Variants in GCM1 observed in about 807,000 individuals in gnomAD.
GCM1 encodes GCM transcription factor 1, also known as chorion-specific transcription factor GCMa.
In GCM1, 2 loss-of-function variants were observed where a neutral mutation model predicts 25.7. The ratio of observed to expected loss-of-function variants is 0.08; its 90% CI spans 0.03 to 0.24. The LOEUF (loss-of-function observed/expected upper bound fraction) is 0.24, where lower values mean the gene tolerates loss of function less well. Among genes scored for constraint, GCM1 ranks in the 10% least tolerant of loss-of-function variants. The pLI is 1.00. For synonymous variants in GCM1, 183 were observed against 195.7 expected (o/e 0.94, Z 0.54); for missense variants, 395 against 538.7 (o/e 0.73, Z 2.64).
chr6:53,139,784 C>T (rs891968471), intron 2 of GCM1, among the ~76,000 whole-genome samples: 1 of 152,012 alleles, frequency 6.6e-6, no homozygotes, highest in Non-Finnish European at 1.5e-5. Flanking sequence ...TCGCTTGAAC[C>T]CGGGAGGCAG....
In GCM1 at chr6:53,130,818, C is replaced by T. The variant is rs1034603513; in HGVS notation, c.555G>A (p.Gly185=). The change falls in exon 5 of 6, where the codon GGG becomes GGA. Residue 185 remains glycine (G), a synonymous_variant. Coordinates refer to ENST00000259803, the MANE Select transcript of GCM1 (RefSeq NM_003643.4). ...APSSVSLSLK[G]STETRSLPGE... Reference sequence around the variant, plus strand: ...GAAGGATTACCCTGGTCTCTGTGCTCCCCTTCAGGCTCAATGAGACGGAGG... The same window carrying T: ...GAAGGATTACCCTGGTCTCTGTGCTTCCCTTCAGGCTCAATGAGACGGAGG... 2 of 1,613,868 alleles carry T rather than the reference C, an allele frequency of 1.2e-6. No individual in the cohort carries two copies. The highest frequency in any genetic ancestry group is 1.7e-6 in the Non-Finnish European group (2 of 1,179,770).
chr6:53,130,042 T>C (rs1343080361), intron 5 of GCM1, among the ~76,000 whole-genome samples: 1 of 152,162 alleles, frequency 6.6e-6, no homozygotes, highest in Non-Finnish European at 1.5e-5. Flanking sequence ...ACTTGTCCCA[T>C]GGCTGGGAGA....
chr6:53,131,205 C>T (rs1326189972), intron 4 of GCM1, among the ~76,000 whole-genome samples: 2 of 152,182 alleles, frequency 1.3e-5, no homozygotes, highest in South Asian at 2.1e-4. Flanking sequence ...AATAAACACC[C>T]TGTGTGCCTT....
At chr6:53,129,106 C>T (rs1221622956) in intron 5 of GCM1, among the ~76,000 whole-genome samples, 160 bp from the exon 6 acceptor site, 2 of 152,088 alleles carry the variant, frequency 1.3e-5, no homozygotes, top group Admixed American at 6.6e-5. Context: ...GCGGCTTGAC[C>T]ACAACCACGA....
chr6:53,142,381 T>C (rs1002396226), intron 2 of GCM1, among the ~76,000 whole-genome samples: 3 of 152,198 alleles, frequency 2.0e-5, no homozygotes, highest in Non-Finnish European at 2.9e-5. Flanking sequence ...TACTGCCTAA[T>C]ACAGCCTCCT....
At chr6:53,134,555 G>A (rs1041190813) in intron 2 of GCM1, among the ~76,000 whole-genome samples, 1 of 152,188 alleles carries the variant, frequency 6.6e-6, no homozygotes, top group Non-Finnish European at 1.5e-5. Flanking sequence ...CAAAATAAAT[G>A]ATAGCCCCTG....
intron 2 of GCM1, among the ~76,000 whole-genome samples, chr6:53,140,954 T>C (rs905267466): frequency 1.3e-5 from 2 of 152,290 alleles, no homozygotes; most frequent in Non-Finnish European, 1.5e-5. Context: ...TTAAAGCAAT[T>C]AGATTTCACC....
At chr6:53,131,012 C>G (rs1455343883) in intron 4 of GCM1, 81 bp from the exon 5 acceptor site, 1 of 1,296,908 alleles carries the variant, frequency 7.7e-7, no homozygotes, top group Non-Finnish European at 1.1e-6. Context: ...TTTTTATTTA[C>G]TGTGTGTCCT....
Position 53,127,804 on chromosome 6 carries a change from A to G in GCM1, c.*402T>C, listed in dbSNP as rs1013307310. On this transcript the variant is annotated 3_prime_UTR_variant, in exon 6 of 6. Coordinates refer to ENST00000259803, the MANE Select transcript of GCM1 (RefSeq NM_003643.4). ...AGCACTTTGGGATGGTGAGGTGGGC[A>G]GATCACTTGAGATCAGGAGTTTGAG... The G allele has an allele frequency of 5.1e-5, 8 of 157,504 alleles. No individual in the cohort carries two copies. The highest frequency in any genetic ancestry group is 1.7e-4 in the African/African-American group (7 of 41,582). The allele number at this position is 157,504 out of a possible 1,614,324, so 9.8% of individuals were successfully genotyped here. A position where few individuals can be genotyped will look rare whatever the true frequency, so the allele number is the denominator to read the frequency against.
intron 1 of GCM1, among the ~76,000 whole-genome samples, chr6:53,148,004 G>GAAGT (rs1480757125): frequency 6.6e-6 from 1 of 152,130 alleles, no homozygotes. Flanking sequence ...TACCCATACT[G>GAAGT]AGCTACAACC....
intron 5 of GCM1, 129 bp from the exon 6 acceptor site, chr6:53,129,075 C>T (rs1236535238): frequency 5.7e-6 from 4 of 707,958 alleles, no homozygotes; most frequent in Middle Eastern, 4.0e-4. Context: ...CACATTAATA[C>T]TTGACGCACA....
intron 4 of GCM1, among the ~76,000 whole-genome samples, chr6:53,131,558 C>A (rs755336369): frequency 6.6e-6 from 1 of 152,202 alleles, no homozygotes; most frequent in East Asian, 1.9e-4. Flanking sequence ...CCCAGGCAGT[C>A]TGAGTCAGGG....
At position 53,128,860 on chromosome 6, in the gene GCM1, A is replaced by C. The variant is rs1763686063; in HGVS notation, c.657T>G (p.Ser219Arg). 6.2e-7 allele frequency: 1 copy of C among 1,612,110 alleles called. No individual in the cohort carries two copies. The highest frequency in any genetic ancestry group is 1.3e-5 in the African/African-American group (1 of 74,880). ...GAGGAGTGTTAGCTATTAAATGTCC[A>C]CTGTAACTACCAGGCAATTGGACGC... ...QEGVQLPGSY[S>R]GHLIANTPQQ... is the part of the protein sequence containing the mutation. The change falls in exon 6 of 6, where the codon AGT (serine) becomes AGG (arginine). Residue 219 changes from serine (S) to arginine (R), a missense_variant. Transcript: ENST00000259803.
chr6:53,147,718 T>C (rs11756128), intron 1 of GCM1, among the ~76,000 whole-genome samples: 25,755 of 152,070 alleles, frequency 0.17, 3,723 homozygotes, highest in African/African-American at 0.39. Flanking sequence ...CATGAGCCAC[T>C]GTGCCCGGCC....
intron 1 of GCM1, among the ~76,000 whole-genome samples, chr6:53,146,194 T>TATATATA (rs1562092511): frequency 3.8e-4 from 38 of 100,928 alleles, no homozygotes; most frequent in African/African-American, 1.5e-3. Flanking sequence ...CATATATGTT[T>TATATATA]TATATATATA....
At position 53,127,690 on chromosome 6, in the gene GCM1, C is replaced by G. The variant is rs1255819966; in HGVS notation, c.*516G>C. The G allele has an allele frequency of 6.6e-6, 1 of 152,430 alleles. No individual in the cohort carries two copies. Among genetic ancestry groups the G allele is most frequent in the Non-Finnish European group, 1.5e-5 (1 of 68,384 alleles). 9.4% of individuals were successfully genotyped at this position (152,430 alleles called of 1,614,324 possible). A position where few individuals can be genotyped will look rare whatever the true frequency, so the allele number is the denominator to read the frequency against. On this transcript the variant is annotated 3_prime_UTR_variant, in exon 6 of 6. Transcript: ENST00000259803. ...CCATTCCTTACTGAGGGTGGAAATACTAGAGTGGAGGAGAAGAAGCCAAAA... is the reference window on the plus strand; with the variant it reads ...CCATTCCTTACTGAGGGTGGAAATAGTAGAGTGGAGGAGAAGAAGCCAAAA...
At chr6:53,142,058 GAA>G (rs1763883556) in intron 2 of GCM1, among the ~76,000 whole-genome samples, 1 of 66,350 alleles carries the variant, frequency 1.5e-5, no homozygotes, top group Admixed American at 1.8e-4. Flanking sequence ...GAAAAAGAAA[GAA>G]AGAAGGAAGG....
rs368234030 is a variant in GCM1 at position 53,145,512 on chromosome 6, C to A, written c.75+46G>T. Reference sequence around the variant, plus strand: ...GGTCTCCGCATGTTAATAGTCAAGACTTCACAGCCCAATGTTGAAGGCAGA... The same window carrying A: ...GGTCTCCGCATGTTAATAGTCAAGAATTCACAGCCCAATGTTGAAGGCAGA... On this transcript the variant is annotated intron_variant, in intron 2 of 5. Transcript: ENST00000259803. 12 of 984,928 alleles carry A rather than the reference C, an allele frequency of 1.2e-5. No individual in the cohort carries two copies. In the African/African-American group the frequency reaches 1.7e-4, roughly 14 times the overall value. 61.0% of individuals were successfully genotyped at this position (984,928 alleles called of 1,614,324 possible).
At chr6:53,131,467 C>T (rs572089990) in intron 4 of GCM1, among the ~76,000 whole-genome samples, 1 of 152,312 alleles carries the variant, frequency 6.6e-6, no homozygotes, top group African/African-American at 2.4e-5. Context: ...AGAATATTTC[C>T]ATTACAGAAG....
Sources: gnomAD v4.1 joint callset for allele counts (sites outside exome capture counted in the v4.1 genomes callset) on GRCh38, gnomAD v4.1.1 for gene constraint, MANE v1.5 for transcripts, NCBI Gene and HGNC (gene_info 2026-07-23, HGNC 2026-07-21) for gene names.